SLC20A2: variants seen among roughly 807,000 people sequenced by gnomAD.
SLC20A2 encodes sodium-dependent phosphate transporter 2.
SLC20A2 carries 30 observed loss-of-function variants against 61.0 expected under a neutral mutation model. The observed-to-expected ratio is 0.49, with a 90% CI of 0.37 to 0.67. The LOEUF (loss-of-function observed/expected upper bound fraction) is 0.67. SLC20A2 is among the 30% of genes least tolerant of loss of function. The pLI is 0.00. For synonymous variants in SLC20A2, 351 were observed against 353.3 expected (o/e 0.99, Z 0.07); for missense variants, 626 against 866.4 (o/e 0.72, Z 3.48).
At chr8:42,537,315 G>A (rs189148293) in intron 1 of SLC20A2, among the ~76,000 whole-genome samples, 1 of 146,486 alleles carries the variant, frequency 6.8e-6, no homozygotes, top group East Asian at 2.0e-4. Context: ...GGCAGAGGCT[G>A]CAGTGAGATC....
chr8:42,427,237 T>C (rs1295683476), intron 10 of SLC20A2, among the ~76,000 whole-genome samples: 1 of 152,212 alleles, frequency 6.6e-6, no homozygotes. Context: ...AGTTTCCTCA[T>C]CTATGAAGCT....
intron 8 of SLC20A2, among the ~76,000 whole-genome samples, chr8:42,434,224 C>T (rs544094012): frequency 6.6e-6 from 1 of 151,958 alleles, no homozygotes; most frequent in South Asian, 2.1e-4. Context: ...GTAGCTGGGA[C>T]CACAAGTGCC....
At position 42,535,593 on chromosome 8, in the gene SLC20A2, T is replaced by C. The variant is rs532324981; in HGVS notation, c.-265+6228A>G. ...GCTGTAAGATGAACTACTGAATTGA[T>C]GACTTGGTAAACTTCTTCCAGCCAT... On this transcript the variant is annotated intron_variant, in intron 1 of 10. Transcript: ENST00000342228. 2.6e-5 allele frequency among the ~76,000 whole-genome samples: 4 copies of C among 152,366 alleles called. No individual in the cohort carries two copies. In the East Asian group the frequency reaches 7.7e-4, roughly 29 times the overall value.
intron 6 of SLC20A2, among the ~76,000 whole-genome samples, chr8:42,443,233 C>A (rs1341957448): frequency 7.8e-6 from 1 of 128,018 alleles, no homozygotes; most frequent in African/African-American, 2.9e-5. Flanking sequence ...ATAATTATTA[C>A]AGTACTATAA....
intron 1 of SLC20A2, among the ~76,000 whole-genome samples, chr8:42,526,124 T>A (rs1811918026): frequency 6.6e-6 from 1 of 152,162 alleles, no homozygotes; most frequent in Non-Finnish European, 1.5e-5. Context: ...GTGGTGAAGC[T>A]GGGCAAACAC....
At chr8:42,512,711 C>A (rs906269393) in intron 1 of SLC20A2, among the ~76,000 whole-genome samples, 1 of 152,128 alleles carries the variant, frequency 6.6e-6, no homozygotes, top group Non-Finnish European at 1.5e-5. Context: ...TTTATAAGGT[C>A]CAACCAACAC....
At position 42,428,787 on chromosome 8, in the gene SLC20A2, C is replaced by T. The variant is rs1238139011; in HGVS notation, c.1765G>A (p.Gly589Arg). The stretch of plus-strand genomic sequence containing the variant: ...CAGTGCGTGGTGCTGACTGGAAGCC[C>T]GATGTTGGAGGCGATCACCACTGTG... ...AFTVVIASNI[G>R]LPVSTTHCKV... Residue 589 changes from glycine (G) to arginine (R), a missense_variant, in exon 10 of 11, where the codon GGG (glycine) becomes AGG (arginine). By Grantham distance (125) the Gly-to-Arg change is moderately radical (BLOSUM62 -2). Transcript: ENST00000520262. The T allele has an allele frequency of 1.2e-6, 2 of 1,611,156 alleles. No individual in the cohort carries two copies. Among genetic ancestry groups the T allele is most frequent in the South Asian group, 1.1e-5 (1 of 90,626 alleles).
chr8:42,470,145 A>G (rs1311560154), intron 2 of SLC20A2, among the ~76,000 whole-genome samples: 1 of 152,050 alleles, frequency 6.6e-6, no homozygotes, highest in African/African-American at 2.4e-5. Flanking sequence ...TGAGATATAC[A>G]TATGTTCCAT....
chr8:42,461,829 A>G (rs1806725506), intron 4 of SLC20A2, among the ~76,000 whole-genome samples: 1 of 151,614 alleles, frequency 6.6e-6, no homozygotes, highest in Non-Finnish European at 1.5e-5. Flanking sequence ...TCTATCTGCC[A>G]CTCATCCAAG....
Position 42,439,575 on chromosome 8 carries a change from A to C in SLC20A2, c.809T>G (p.Val270Gly). The C allele has an allele frequency of 6.2e-7, 1 of 1,614,168 alleles. No individual in the cohort carries two copies. The highest frequency in any genetic ancestry group is 8.5e-7 in the Non-Finnish European group (1 of 1,180,004). ...LSKVQEAESP[V>G]FKELPGAKAN... is the part of the protein sequence containing the mutation. ...CTTGGCACCTGGTAGCTCTTTAAAT[A>C]CTGGGGACTCTGCTTCCTGAACCTT... Residue 270 changes from valine to glycine, a missense_variant, in exon 7 of 11, where the codon GTA becomes GGA. Transcript: ENST00000520262.
chr8:42,500,287 G>C (rs953284523), intron 1 of SLC20A2, among the ~76,000 whole-genome samples: 1 of 152,200 alleles, frequency 6.6e-6, no homozygotes, highest in African/African-American at 2.4e-5. Context: ...TTCTAAATAA[G>C]CAAGATGATT....
intron 10 of SLC20A2, among the ~76,000 whole-genome samples, chr8:42,419,970 A>C (rs1418074770): frequency 6.6e-6 from 1 of 152,182 alleles, no homozygotes; most frequent in African/African-American, 2.4e-5. Context: ...GGCGGATACA[A>C]GGTCAGGAGA....
chr8:42,449,290 C>T (rs893328758), intron 5 of SLC20A2, among the ~76,000 whole-genome samples: 2 of 152,128 alleles, frequency 1.3e-5, no homozygotes, highest in African/African-American at 2.4e-5. Context: ...TCTCCGTTCT[C>T]GGTTTTAGCC....
At chr8:42,441,697 G>A (rs1804796947) in intron 6 of SLC20A2, among the ~76,000 whole-genome samples, 1 of 151,680 alleles carries the variant, frequency 6.6e-6, no homozygotes, top group African/African-American at 2.4e-5. Context: ...TCAATCTCCT[G>A]ACCTTGTGAT....
At chr8:42,541,853 C>T (rs1220356364) in exon 1 of SLC20A2, 2 of 151,676 alleles carry the variant, frequency 1.3e-5, no homozygotes, top group Admixed American at 6.6e-5. Context: ...CCCGAAACTC[C>T]GAGCACCCGC....
chr8:42,524,827 T>A (rs1409692775), intron 1 of SLC20A2, among the ~76,000 whole-genome samples: 3 of 150,226 alleles, frequency 2.0e-5, no homozygotes, highest in Non-Finnish European at 3.0e-5. Context: ...AAAAATAAAA[T>A]ATACCCATGT....
intron 8 of SLC20A2, among the ~76,000 whole-genome samples, chr8:42,430,969 C>T (rs1803829094): frequency 2.0e-5 from 3 of 152,188 alleles, no homozygotes; most frequent in African/African-American, 7.2e-5. Context: ...TGCCTTGTCT[C>T]TCTCCCTCTC....
At chr8:42,538,841 T>G (rs947440549) in intron 1 of SLC20A2, among the ~76,000 whole-genome samples, 5 of 152,204 alleles carry the variant, frequency 3.3e-5, no homozygotes, top group African/African-American at 1.2e-4. Context: ...ATTCCAAAAT[T>G]TTTTCATGTA....
chr8:42,507,175 T>C (rs758889708), intron 1 of SLC20A2, among the ~76,000 whole-genome samples: 1 of 152,202 alleles, frequency 6.6e-6, no homozygotes, highest in Non-Finnish European at 1.5e-5. Flanking sequence ...TGTTTGTTTT[T>C]TTGAGCCACT....
Sources: allele counts gnomAD v4.1 joint callset (sites outside exome capture counted in the v4.1 genomes callset), GRCh38; gene constraint gnomAD v4.1.1; transcripts MANE v1.5; gene names NCBI Gene and HGNC (gene_info 2026-07-23, HGNC 2026-07-21).